MRPS31: variants seen among roughly 807,000 people sequenced by gnomAD.
MRPS31 encodes small ribosomal subunit protein mS31.
MRPS31 carries 32 observed loss-of-function variants against 43.1 expected under a neutral mutation model. The ratio of observed to expected loss-of-function variants is 0.74; its 90% CI spans 0.56 to 1.00. The LOEUF is 1.00. Among genes scored for constraint, MRPS31 ranks in the 50% least tolerant of loss-of-function variants. The probability of loss-of-function intolerance (pLI) is 0.00; values close to 1 mark genes in which losing one functional copy is unlikely to be tolerated. For synonymous variants in MRPS31, 165 were observed against 161.6 expected, an observed-to-expected ratio of 1.02 and a Z score of -0.16; for missense variants, 437 against 466.7, an observed-to-expected ratio of 0.94 and a Z score of 0.59.
intron 6 of MRPS31, among the ~76,000 whole-genome samples, chr13:40,738,871 C>G (rs1413469682): frequency 6.6e-6 from 1 of 152,160 alleles, no homozygotes; most frequent in Non-Finnish European, 1.5e-5. Context: ...CCTTTGAAAA[C>G]TGGCACAAGA....
chr13:40,763,240 A>G (rs991408239), intron 2 of MRPS31, among the ~76,000 whole-genome samples: 1 of 152,210 alleles, frequency 6.6e-6, no homozygotes, highest in African/African-American at 2.4e-5. Flanking sequence ...ACAGAACCAC[A>G]GCAGGCTGGC....
chr13:40,755,039 A>G (rs1345191121), intron 4 of MRPS31, among the ~76,000 whole-genome samples: 2 of 152,276 alleles, frequency 1.3e-5, no homozygotes, highest in East Asian at 3.8e-4. Flanking sequence ...CGTCTCGAAG[A>G]AAAATAAAAA....
intron 6 of MRPS31, among the ~76,000 whole-genome samples, chr13:40,739,010 A>G (rs1880003857): frequency 6.6e-6 from 1 of 152,236 alleles, no homozygotes; most frequent in Non-Finnish European, 1.5e-5. Flanking sequence ...CCCTGTTTGC[A>G]GATGACATGA....
chr13:40,749,424 G>T, intron 5 of MRPS31, 143 bp from the exon 6 acceptor site: 2 of 501,166 alleles, frequency 4.0e-6, no homozygotes, highest in Non-Finnish European at 6.3e-6. Flanking sequence ...GTTACTGAGA[G>T]ATAACTGCAA....
chr13:40,751,867 T>C (rs987756405), intron 5 of MRPS31, among the ~76,000 whole-genome samples: 2 of 152,222 alleles, frequency 1.3e-5, no homozygotes, highest in Non-Finnish European at 2.9e-5. Flanking sequence ...TACTGTTTTA[T>C]AAAATATATA....
intron 6 of MRPS31, among the ~76,000 whole-genome samples, chr13:40,748,257 A>C (rs1041664526): frequency 3.9e-5 from 6 of 152,174 alleles, no homozygotes; most frequent in Non-Finnish European, 8.8e-5. Context: ...TCCCGGGTTC[A>C]AACGATTCTC....
Position 40,757,004 on chromosome 13 carries a change from GT to G in MRPS31, c.608del (p.Asn203ThrfsTer2). 6.2e-7 allele frequency: 1 copy of G among 1,606,676 alleles called. No homozygotes were observed. Among genetic ancestry groups the G allele is most frequent in the African/African-American group, 1.3e-5 (1 of 74,644 alleles). Reference protein sequence around the residue: ...DAKRPKISFSNIISDMKVARS... With the variant: ...DAKRPKISFSXIISDMKVARS... ...TGGCAACTTTCATATCTGATATTAT[GT>G]TACTGAAACTGAAATAATAAAAAGG... On this transcript the variant is annotated frameshift_variant, in exon 4 of 7. Coordinates refer to ENST00000323563, the MANE Select transcript of MRPS31 (RefSeq NM_005830.4). LOFTEE classifies it high-confidence loss of function.
chr13:40,762,455 CTTT>C (rs113395622), intron 2 of MRPS31, among the ~76,000 whole-genome samples: 2 of 145,432 alleles, frequency 1.4e-5, no homozygotes, highest in Non-Finnish European at 3.0e-5. Context: ...CCCCCTCATT[CTTT>C]TTTTTTTTTT....
intron 2 of MRPS31, 27 bp downstream of exon 2, chr13:40,766,716 AAAC>A (rs749856329): frequency 6.5e-7 from 1 of 1,550,192 alleles, no homozygotes; most frequent in Non-Finnish European, 8.7e-7. Context: ...CTGGAGTTTC[AAAC>A]AACATCTGAA....
chr13:40,741,491 A>G (rs1376582047), intron 6 of MRPS31, among the ~76,000 whole-genome samples: 2 of 152,196 alleles, frequency 1.3e-5, no homozygotes, highest in African/African-American at 4.8e-5. Flanking sequence ...ATATGAAAAG[A>G]TTTGTAATCT....
At chr13:40,762,629 T>A (rs1048553028) in intron 2 of MRPS31, among the ~76,000 whole-genome samples, 1 of 151,694 alleles carries the variant, frequency 6.6e-6, no homozygotes, top group Admixed American at 6.6e-5. Flanking sequence ...AGAGACTGGG[T>A]CTCACTATGT....
chr13:40,741,935 T>C (rs1307568690), intron 6 of MRPS31, among the ~76,000 whole-genome samples: 1 of 121,484 alleles, frequency 8.2e-6, no homozygotes, highest in African/African-American at 4.1e-5. Context: ...ACACACACAC[T>C]GCAGGACAAT....
At chr13:40,770,090 G>A (rs1313370396) in intron 1 of MRPS31, among the ~76,000 whole-genome samples, 2 of 152,118 alleles carry the variant, frequency 1.3e-5, no homozygotes, top group Non-Finnish European at 2.9e-5. Context: ...TAACATTAAG[G>A]ATACCCTAAT....
At chr13:40,734,200 G>T (rs770434676) in intron 6 of MRPS31, among the ~76,000 whole-genome samples, 3 of 152,072 alleles carry the variant, frequency 2.0e-5, no homozygotes, top group Non-Finnish European at 4.4e-5. Flanking sequence ...CATTAAAAAA[G>T]TACCAAGACA....
chr13:40,752,033 C>T lies in MRPS31; in HGVS notation c.814+1986G>A, dbSNP rs1331159231. Among the ~76,000 whole-genome samples the T allele has an allele frequency of 2.7e-5, 4 of 146,280 alleles. No individual in the cohort carries two copies. In the East Asian group the frequency reaches 5.9e-4, roughly 22 times the overall value. The stretch of plus-strand genomic sequence containing the variant: ...GCCCTGACAACCAATTTCTTTCTTT[C>T]TTTTTTTTTTTGAGACAGTTTTGCT... On this transcript the variant is annotated intron_variant, in intron 5 of 6. Transcript: ENST00000323563.
At chr13:40,745,397 C>T (rs1880214461) in intron 6 of MRPS31, among the ~76,000 whole-genome samples, 3 of 152,070 alleles carry the variant, frequency 2.0e-5, no homozygotes, top group South Asian at 4.1e-4. Context: ...GGATTACAGG[C>T]ATGTGCCACC....
intron 6 of MRPS31, among the ~76,000 whole-genome samples, chr13:40,737,429 A>G (rs1167682566): frequency 4.6e-5 from 7 of 152,176 alleles, no homozygotes; most frequent in East Asian, 1.9e-4. Flanking sequence ...TGCACCAAGC[A>G]GACCTAATAG....
intron 6 of MRPS31, among the ~76,000 whole-genome samples, chr13:40,730,279 T>C (rs1243295520): frequency 6.6e-6 from 1 of 151,876 alleles, no homozygotes; most frequent in Non-Finnish European, 1.5e-5. Context: ...TCCCAGCACT[T>C]TGGGAGGCGA....
At chr13:40,736,924 C>T (rs1289239383) in intron 6 of MRPS31, among the ~76,000 whole-genome samples, 3 of 150,660 alleles carry the variant, frequency 2.0e-5, no homozygotes, top group African/African-American at 7.4e-5. Context: ...CAAATTCACA[C>T]ATAACAATAT....
Sources: allele counts gnomAD v4.1 joint callset (sites outside exome capture counted in the v4.1 genomes callset), GRCh38; gene constraint gnomAD v4.1.1; transcripts MANE v1.5; gene names NCBI Gene and HGNC (gene_info 2026-07-23, HGNC 2026-07-21).